Variants in CDR2 observed in about 807,000 individuals in gnomAD.
CDR2 encodes the protein cerebellar degeneration-related protein 2.
A neutral mutation model predicts 48.4 loss-of-function variants in CDR2; 34 were observed. The ratio of observed to expected loss-of-function variants is 0.70; its 90% CI spans 0.53 to 0.94. CDR2 has a LOEUF of 0.94. CDR2 is among the 40% of genes least tolerant of loss of function. The pLI is 0.00. For missense variants in CDR2, 498 were observed against 549.5 expected, an observed-to-expected ratio of 0.91 and a Z score of 0.94; for synonymous variants, 240 against 219.7, an observed-to-expected ratio of 1.09 and a Z score of -0.82.
At chr16:22,372,035 T>G (rs529701330) in intron 1 of CDR2, among the ~76,000 whole-genome samples, 2 of 152,224 alleles carry the variant, frequency 1.3e-5, no homozygotes, top group Non-Finnish European at 2.9e-5. Flanking sequence ...CACACCCACC[T>G]AATTTTGTAT....
At chr16:22,365,574 G>A (rs1338037688) in intron 1 of CDR2, among the ~76,000 whole-genome samples, 1 of 152,186 alleles carries the variant, frequency 6.6e-6, no homozygotes, top group Non-Finnish European at 1.5e-5. Flanking sequence ...TGTAAGATGA[G>A]CAACTAGAAA....
intron 2 of CDR2, among the ~76,000 whole-genome samples, chr16:22,351,442 G>GTCT (rs2048941450): frequency 6.6e-6 from 1 of 151,866 alleles, no homozygotes; most frequent in African/African-American, 2.4e-5. Context: ...TTGACACCCT[G>GTCT]TCTTCCACAA....
At position 22,351,773 on chromosome 16, in the gene CDR2, G is replaced by A. The variant is rs548941186; in HGVS notation, c.193-1924C>T. Among the ~76,000 whole-genome samples, 3 of 152,270 alleles carry A rather than the reference G, an allele frequency of 2.0e-5. No homozygotes were observed. In the South Asian group the frequency reaches 6.2e-4, roughly 32 times the overall value. ...AAAGGGGAATAATCCCAACCTTAAT[G>A]CCGCAGTGTAAGTCACCTTGATTCC... On this transcript the variant is annotated intron_variant, in intron 2 of 4. Coordinates refer to ENST00000268383, the MANE Select transcript of CDR2 (RefSeq NM_001802.2).
At position 22,349,837 on chromosome 16, in the gene CDR2, G is replaced by C. The variant is rs754366855; in HGVS notation, c.205C>G (p.Gln69Glu). 3 of 1,614,084 alleles carry C rather than the reference G, an allele frequency of 1.9e-6. No homozygotes were observed. The highest frequency in any genetic ancestry group is 2.5e-6 in the Non-Finnish European group (3 of 1,179,950). Residue 69 changes from glutamine to glutamate, a missense_variant, in exon 3 of 5, where the codon CAA becomes GAA. Gln to Glu is a conservative substitution (Grantham distance 29, BLOSUM62 2). Transcript: ENST00000268383. ...TTCATCTGCCGTAGAAGTTCCACTT[G>C]CTTCGTCAGATACTGTAAGAGAAGA... ...QLQEIEYLTKQVELLRQMNEQ... is the reference protein window; with the variant it reads ...QLQEIEYLTKEVELLRQMNEQ...
At chr16:22,360,969 C>T (rs908475053) in intron 2 of CDR2, among the ~76,000 whole-genome samples, 1 of 151,958 alleles carries the variant, frequency 6.6e-6, no homozygotes. Flanking sequence ...AGGCTGGTCT[C>T]GAACTCCTGA....
intron 2 of CDR2, among the ~76,000 whole-genome samples, chr16:22,361,016 T>G (rs2049007665): frequency 1.3e-5 from 2 of 152,190 alleles, no homozygotes; most frequent in African/African-American, 4.8e-5. Context: ...CCCAAAGTGC[T>G]AGGATTACAG....
chr16:22,364,810 C>G, intron 2 of CDR2, 92 bp downstream of exon 2: 1 of 695,694 alleles, frequency 1.4e-6, no homozygotes. Context: ...AATGCTGCAT[C>G]TAATTGCAAG....
At chr16:22,349,645 GT>G in intron 3 of CDR2, 55 bp downstream of exon 3, 1 of 1,577,638 alleles carries the variant, frequency 6.3e-7, no homozygotes, top group East Asian at 2.2e-5. Flanking sequence ...TTCTATTCTA[GT>G]TTATACTAAA....
intron 1 of CDR2, among the ~76,000 whole-genome samples, chr16:22,367,939 AG>A (rs1204984292): frequency 6.6e-6 from 1 of 152,196 alleles, no homozygotes; most frequent in Non-Finnish European, 1.5e-5. Context: ...AAGACTTTAG[AG>A]GCCAGGTGCA....
At chr16:22,371,360 A>T (rs1955127330) in intron 1 of CDR2, among the ~76,000 whole-genome samples, 1 of 152,204 alleles carries the variant, frequency 6.6e-6, no homozygotes, top group South Asian at 2.1e-4. Context: ...CTGCTCCCAA[A>T]CTTAATTCAG....
intron 2 of CDR2, among the ~76,000 whole-genome samples, chr16:22,350,303 T>C (rs998679749): frequency 6.6e-6 from 1 of 152,224 alleles, no homozygotes; most frequent in African/African-American, 2.4e-5. Flanking sequence ...CTGGGCTCAC[T>C]GGCCTCCCAG....
At chr16:22,359,159 G>A (rs988618260) in intron 2 of CDR2, among the ~76,000 whole-genome samples, 7 of 151,402 alleles carry the variant, frequency 4.6e-5, no homozygotes, top group African/African-American at 1.7e-4. Context: ...ACGGAGTCTC[G>A]CTTTTTTGCT....
chr16:22,373,402 T>G (rs1310724540), intron 1 of CDR2, among the ~76,000 whole-genome samples: 5 of 152,160 alleles, frequency 3.3e-5, no homozygotes, highest in Admixed American at 1.3e-4. Flanking sequence ...AACGCCCAAC[T>G]GAAAAAAACT....
At chr16:22,373,766 G>C (rs1479714323) in intron 1 of CDR2, among the ~76,000 whole-genome samples, 1 of 152,212 alleles carries the variant, frequency 6.6e-6, no homozygotes, top group Non-Finnish European at 1.5e-5. Context: ...ACGGTGCGGA[G>C]CGCACAGCTC....
At chr16:22,347,917 A>T (rs1198364782) in intron 4 of CDR2, 94 bp from the exon 5 acceptor site, 1 of 1,241,270 alleles carries the variant, frequency 8.1e-7, no homozygotes, top group Non-Finnish European at 1.1e-6. Flanking sequence ...AATAAATTTG[A>T]GGAGCTGTGA....
intron 1 of CDR2, 25 bp downstream of exon 1, chr16:22,374,206 G>C (rs1194120142): frequency 3.3e-6 from 5 of 1,530,064 alleles, no homozygotes; most frequent in Non-Finnish European, 4.5e-6. Context: ...GCCGCCGCCC[G>C]CCCGCGGGGC....
intron 2 of CDR2, among the ~76,000 whole-genome samples, chr16:22,355,348 TC>T (rs763412198): frequency 6.6e-6 from 1 of 152,202 alleles, no homozygotes; most frequent in Non-Finnish European, 1.5e-5. Context: ...CGATCCCCTA[TC>T]CGGGGGGATG....
At chr16:22,366,174 A>T (rs1354672774) in intron 1 of CDR2, among the ~76,000 whole-genome samples, 1 of 152,242 alleles carries the variant, frequency 6.6e-6, no homozygotes, top group African/African-American at 2.4e-5. Flanking sequence ...ACATTCCCAG[A>T]TTAGTGGAGG....
chr16:22,351,120 TTC>T (rs1206632947), intron 2 of CDR2, among the ~76,000 whole-genome samples: 2 of 152,226 alleles, frequency 1.3e-5, no homozygotes, highest in Non-Finnish European at 2.9e-5. Flanking sequence ...GTGTTTGGTT[TTC>T]TGTCCTTGTG....
Sources: gnomAD v4.1 joint callset for allele counts (sites outside exome capture counted in the v4.1 genomes callset) on GRCh38, gnomAD v4.1.1 for gene constraint, MANE v1.5 for transcripts, NCBI Gene and HGNC (gene_info 2026-07-23, HGNC 2026-07-21) for gene names.